Variants in SGPP1 observed in about 807,000 individuals in gnomAD.
SGPP1 encodes sphingosine-1-phosphate phosphatase 1.
SGPP1 carries 21 observed loss-of-function variants against 33.0 expected under a neutral mutation model. That is an observed-to-expected ratio of 0.64 (90% confidence interval 0.45 to 0.92). The LOEUF (loss-of-function observed/expected upper bound fraction) is 0.92, where lower values mean the gene tolerates loss of function less well. Among genes scored for constraint, SGPP1 ranks in the 40% least tolerant of loss-of-function variants. The pLI is 0.00. For missense variants in SGPP1, 543 were observed against 589.4 expected (o/e 0.92, Z 0.81); for synonymous variants, 239 against 241.2 (o/e 0.99, Z 0.08).
intron 1 of SGPP1, among the ~76,000 whole-genome samples, chr14:63,723,592 G>A (rs1236847724): frequency 6.6e-6 from 1 of 151,964 alleles, no homozygotes; most frequent in African/African-American, 2.4e-5. Context: ...GGTGGTGTGC[G>A]CCTGTAGTCC....
At chr14:63,706,068 A>G (rs1885402986) in intron 1 of SGPP1, among the ~76,000 whole-genome samples, 1 of 152,276 alleles carries the variant, frequency 6.6e-6, no homozygotes, top group Non-Finnish European at 1.5e-5. Flanking sequence ...TATTTGTGGT[A>G]TATACAAACA....
intron 1 of SGPP1, among the ~76,000 whole-genome samples, chr14:63,724,876 C>T (rs1218675798): frequency 2.0e-5 from 3 of 147,762 alleles, no homozygotes; most frequent in Non-Finnish European, 4.5e-5. Context: ...AGCGAGACTC[C>T]GTCTTAAAAA....
rs1253265614 is a variant in SGPP1, at chr14:63,723,644, G to A, written c.684+3617C>T. ...TGAGGCAGGAGAATCGCTTGAACCG[G>A]GGAGGCAGAGTTTGCAGTGAGACAA... On this transcript the variant is annotated intron_variant, in intron 1 of 2. Coordinates refer to ENST00000247225, the MANE Select transcript of SGPP1 (RefSeq NM_030791.4). Among the ~76,000 whole-genome samples the A allele has an allele frequency of 9.2e-5, 14 of 151,962 alleles. No individual in the cohort carries two copies. The East Asian group carries it at 2.7e-3, about 29-fold the overall frequency.
intron 2 of SGPP1, among the ~76,000 whole-genome samples, chr14:63,692,178 A>G (rs1057122549): frequency 3.3e-5 from 5 of 152,236 alleles, no homozygotes. Context: ...ATAACAACCA[A>G]TATGAAACAG....
chr14:63,717,760 G>T (rs1406544656), intron 1 of SGPP1, among the ~76,000 whole-genome samples: 2 of 152,050 alleles, frequency 1.3e-5, no homozygotes, highest in African/African-American at 2.4e-5. Context: ...CAAAGCAGAA[G>T]AAATACAAAG....
intron 1 of SGPP1, 97 bp from the exon 2 acceptor site, chr14:63,698,755 C>T (rs1885239869): frequency 1.6e-6 from 1 of 607,052 alleles, no homozygotes; most frequent in Admixed American, 4.1e-5. Flanking sequence ...ATAAAGTCCA[C>T]TAAAACAAGA....
At chr14:63,708,332 T>G (rs1885456813) in intron 1 of SGPP1, among the ~76,000 whole-genome samples, 1 of 148,416 alleles carries the variant, frequency 6.7e-6, no homozygotes, top group East Asian at 2.0e-4. Flanking sequence ...CTCGGTTTAC[T>G]GCAACCTCCG....
intron 2 of SGPP1, 50 bp downstream of exon 2, chr14:63,698,519 C>T: frequency 2.9e-6 from 3 of 1,027,234 alleles, no homozygotes; most frequent in Non-Finnish European, 4.3e-6. Flanking sequence ...ATAAAATTTC[C>T]TGTCAATGTC....
At chr14:63,698,502 A>G in intron 2 of SGPP1, 67 bp downstream of exon 2, 1 of 927,532 alleles carries the variant, frequency 1.1e-6, no homozygotes, top group South Asian at 1.9e-5. Flanking sequence ...GCAAATGATT[A>G]AAAATTATAA....
Position 63,727,922 on chromosome 14 carries a change from G to T in SGPP1, c.23C>A (p.Ala8Asp). The T allele has an allele frequency of 6.5e-7, 1 of 1,543,754 alleles. No individual in the cohort carries two copies. The highest frequency in any genetic ancestry group is 8.7e-7 in the Non-Finnish European group (1 of 1,153,996). Residue 8 changes from alanine (A) to aspartate (D), a missense_variant, in exon 1 of 3, where the codon GCC becomes GAC. Ala to Asp is a moderately radical substitution (Grantham distance 126). Coordinates refer to ENST00000247225, the MANE Select transcript of SGPP1 (RefSeq NM_030791.4). MSLRQRL[A>D]QLVGRLQDPQ... is the part of the protein sequence containing the mutation. Reference sequence around the variant, plus strand: ...GTCCTGCAGACGGCCAACCAGCTGGGCCAGGCGCTGCCTCAGCGACATGAT... The same window carrying T: ...GTCCTGCAGACGGCCAACCAGCTGGTCCAGGCGCTGCCTCAGCGACATGAT...
At chr14:63,718,185 T>C (rs1595071867) in intron 1 of SGPP1, among the ~76,000 whole-genome samples, 1 of 151,448 alleles carries the variant, frequency 6.6e-6, no homozygotes, top group Non-Finnish European at 1.5e-5. Context: ...GAGGTGGAGG[T>C]TGCAGTGAGC....
intron 1 of SGPP1, among the ~76,000 whole-genome samples, chr14:63,701,315 T>C (rs1306403574): frequency 1.3e-5 from 2 of 152,096 alleles, no homozygotes; most frequent in African/African-American, 2.4e-5. Flanking sequence ...TGTTAAGTCA[T>C]TGCAATTTTG....
At position 63,727,638 on chromosome 14, in the gene SGPP1, G is replaced by A. The variant is rs751283878; in HGVS notation, c.307C>T (p.Arg103Trp). 9.3e-6 allele frequency: 13 copies of A among 1,396,432 alleles called. No individual in the cohort carries two copies. The East Asian group carries it at 1.4e-4, about 15-fold the overall frequency. The allele number at this position is 1,396,432 out of a possible 1,614,324, so 86.5% of individuals were successfully genotyped here. ...LAAELGPASPRRAGALRRNSL... is the reference protein window; with the variant it reads ...LAAELGPASPWRAGALRRNSL... ...TTGCGGCGCAGAGCGCCCGCGCGCC[G>A]CGGCGAGGCCGGGCCCAGCTCGGCC... The change falls in exon 1 of 3, where the codon CGG (arginine) becomes TGG (tryptophan). Residue 103 changes from arginine (R) to tryptophan (W), a missense_variant. By Grantham distance (101) the Arg-to-Trp change is moderately radical. Coordinates refer to ENST00000247225, the MANE Select transcript of SGPP1 (RefSeq NM_030791.4).
chr14:63,696,935 G>A (rs761415426), intron 2 of SGPP1, among the ~76,000 whole-genome samples: 8 of 152,112 alleles, frequency 5.3e-5, no homozygotes, highest in Non-Finnish European at 1.0e-4. Flanking sequence ...GCAGTGAGCC[G>A]AGATTGTGCC....
intron 1 of SGPP1, among the ~76,000 whole-genome samples, chr14:63,700,429 G>A (rs1188446106): frequency 5.9e-5 from 9 of 152,082 alleles, no homozygotes; most frequent in Non-Finnish European, 1.0e-4. Flanking sequence ...TAATCCAAAT[G>A]AGAAACATGA....
chr14:63,705,682 GAAAATGA>G (rs1425841211), intron 1 of SGPP1, among the ~76,000 whole-genome samples: 27 of 151,982 alleles, frequency 1.8e-4, no homozygotes, highest in African/African-American at 6.3e-4. Context: ...AATGGGAAAT[GAAAATGA>G]AAAATGAAAA....
chr14:63,691,227 G>A (rs184197702), intron 2 of SGPP1, among the ~76,000 whole-genome samples: 9 of 152,272 alleles, frequency 5.9e-5, no homozygotes, highest in African/African-American at 1.9e-4. Context: ...AGGCTGAGAG[G>A]TGATCAATTA....
chr14:63,717,444 C>G, intron 1 of SGPP1, among the ~76,000 whole-genome samples: 1 of 151,976 alleles, frequency 6.6e-6, no homozygotes, highest in African/African-American at 2.4e-5. Context: ...GCCTCAACCT[C>G]CCGAGTAGCT....
At chr14:63,687,992 G>A (rs1284673807) in intron 2 of SGPP1, among the ~76,000 whole-genome samples, 1 of 152,090 alleles carries the variant, frequency 6.6e-6, no homozygotes, top group Non-Finnish European at 1.5e-5. Flanking sequence ...GTGTGTGGTG[G>A]CACACACCGA....
Sources: gnomAD v4.1 joint callset for allele counts (sites outside exome capture counted in the v4.1 genomes callset) on GRCh38, gnomAD v4.1.1 for gene constraint, MANE v1.5 for transcripts, NCBI Gene and HGNC (gene_info 2026-07-23, HGNC 2026-07-21) for gene names.